The following PCDHGA5 variants were observed in gnomAD, a reference collection of about 807,000 sequenced individuals.
The protein encoded by PCDHGA5 is protocadherin gamma-A5.
Under a neutral mutation model 56.7 loss-of-function variants are expected in PCDHGA5, and 36 were observed. The ratio of observed to expected loss-of-function variants is 0.64; its 90% CI spans 0.49 to 0.84. The LOEUF is 0.84. Among genes scored for constraint, PCDHGA5 ranks in the 40% least tolerant of loss-of-function variants. PCDHGA5 has a pLI of 0.00. For missense variants in PCDHGA5, 1,305 were observed against 1,201.5 expected, an observed-to-expected ratio of 1.09 and a Z score of -1.27; for synonymous variants, 563 against 520.2, an observed-to-expected ratio of 1.08 and a Z score of -1.12.
intron 3 of PCDHGA5, chr5:141,507,000 TGA>T (rs1235660361): frequency 1.3e-5 from 2 of 152,218 alleles, no homozygotes; most frequent in African/African-American, 4.8e-5. Flanking sequence ...ACTCGACAGA[TGA>T]GAGAACCGAG....
chr5:141,455,822 CCCCTTTTCCTGT>C (rs2098832641), intron 1 of PCDHGA5, among the ~76,000 whole-genome samples: 2 of 151,688 alleles, frequency 1.3e-5, no homozygotes, highest in African/African-American at 4.8e-5. Flanking sequence ...TTCCCAAGGA[CCCCTTTTCCTGT>C]CTATCTGCAT....
Position 141,486,799 on chromosome 5 carries a change from C to A in PCDHGA5, c.2422-8008C>A. The A allele has an allele frequency of 6.2e-7, 1 of 1,614,220 alleles. No individual in the cohort carries two copies. Among genetic ancestry groups the A allele is most frequent in the African/African-American group, 1.3e-5 (1 of 75,060 alleles). ...AGGTGCAGGCCCGGGATCGGGGCAA[C>A]CCACCCCTTAGCAGCACTGTAACAG... On this transcript the variant is annotated intron_variant, in intron 1 of 3. Coordinates refer to ENST00000518069, the MANE Select transcript of PCDHGA5 (RefSeq NM_018918.3). This position sits in a 1 kb window ranked among gnomAD's most constrained non-coding sequence, Gnocchi z 5.0.
chr5:141,423,497 AG>A (rs1269176785), intron 1 of PCDHGA5: 1 of 1,613,940 alleles, frequency 6.2e-7, no homozygotes, highest in Non-Finnish European at 8.5e-7. Flanking sequence ...TATTCCCACG[AG>A]GTCTCTCTCA....
chr5:141,404,501 C>T, intron 1 of PCDHGA5: 2 of 1,613,792 alleles, frequency 1.2e-6, no homozygotes, highest in Non-Finnish European at 1.7e-6. Context: ...GCTGTATGCT[C>T]TGTGCTCCTT....
At chr5:141,465,494 G>C (rs2099104306) in intron 1 of PCDHGA5, among the ~76,000 whole-genome samples, 1 of 152,204 alleles carries the variant, frequency 6.6e-6, no homozygotes, top group African/African-American at 2.4e-5. Context: ...ATGAGCGGGA[G>C]CATTGTCGTG....
At chr5:141,507,447 G>A (rs998019159) in intron 3 of PCDHGA5, among the ~76,000 whole-genome samples, 1 of 152,226 alleles carries the variant, frequency 6.6e-6, no homozygotes, top group Non-Finnish European at 1.5e-5. Flanking sequence ...GCTGACGGAA[G>A]GACAGAGAGA....
chr5:141,403,787 T>A (rs1213408515), intron 1 of PCDHGA5: 3 of 1,613,818 alleles, frequency 1.9e-6, no homozygotes, highest in Non-Finnish European at 2.5e-6. Flanking sequence ...AAAAGTGGCA[T>A]ACAAATTCTG....
intron 1 of PCDHGA5, among the ~76,000 whole-genome samples, chr5:141,484,160 T>C (rs1451052819): frequency 2.6e-5 from 4 of 152,210 alleles, no homozygotes; most frequent in African/African-American, 7.2e-5. Flanking sequence ...CACAATGCTG[T>C]TGGTAGCTGA....
intron 1 of PCDHGA5, chr5:141,402,997 G>C: frequency 3.7e-6 from 6 of 1,613,928 alleles, no homozygotes; most frequent in Non-Finnish European, 5.1e-6. Context: ...GATTAGTCCT[G>C]CTATGCTCGC....
At chr5:141,375,326 G>C (rs1771348524) in intron 1 of PCDHGA5, 1 of 1,613,776 alleles carries the variant, frequency 6.2e-7, no homozygotes. Flanking sequence ...CCGGGAAGAG[G>C]TATTCTTGTA....
intron 1 of PCDHGA5, chr5:141,468,497 C>T (rs1033597673): frequency 2.0e-5 from 3 of 152,074 alleles, no homozygotes; most frequent in Non-Finnish European, 4.4e-5. Context: ...GGAAGATTTT[C>T]ATGTGGACAA....
chr5:141,506,280 C>CT (rs1455257972), intron 3 of PCDHGA5, among the ~76,000 whole-genome samples: 1 of 152,024 alleles, frequency 6.6e-6, no homozygotes, highest in Non-Finnish European at 1.5e-5. Flanking sequence ...GAAACCCTGT[C>CT]TCTACTAAAA....
chr5:141,385,298 G>A (rs1409031209), intron 1 of PCDHGA5: 2 of 1,612,982 alleles, frequency 1.2e-6, no homozygotes, highest in Non-Finnish European at 8.5e-7. Context: ...TTTCAGGAAT[G>A]TAAAGAAAAC....
chr5:141,421,965 C>T (rs775450008), intron 1 of PCDHGA5: 3 of 1,610,242 alleles, frequency 1.9e-6, no homozygotes, highest in Non-Finnish European at 2.5e-6. Context: ...TTACACAGTC[C>T]GTATATCGCG....
chr5:141,393,414 G>C lies in PCDHGA5; in HGVS notation c.2421+26663G>C, dbSNP rs199973289. 738 of 1,614,038 alleles carry C rather than the reference G, an allele frequency of 4.6e-4. No individual in the cohort carries two copies. The highest frequency in any genetic ancestry group is 5.2e-4 in the Non-Finnish European group (617 of 1,179,898). Reference sequence around the variant, plus strand: ...AGAGCTGGTGCTGGAGCGCGCCCTGGACAGGGAGGAAGAGGCTGCTCACCA... The same window carrying C: ...AGAGCTGGTGCTGGAGCGCGCCCTGCACAGGGAGGAAGAGGCTGCTCACCA... On this transcript the variant is annotated intron_variant, in intron 1 of 3. Coordinates refer to ENST00000518069, the MANE Select transcript of PCDHGA5 (RefSeq NM_018918.3).
At chr5:141,416,870 A>G (rs1315073474) in intron 1 of PCDHGA5, 4 of 152,154 alleles carry the variant, frequency 2.6e-5, no homozygotes, top group Non-Finnish European at 5.9e-5. Flanking sequence ...GTCAGTCAAC[A>G]TTTGTTGAAT....
intron 1 of PCDHGA5, chr5:141,423,496 G>A (rs1049120602): frequency 1.2e-6 from 2 of 1,613,804 alleles, no homozygotes; most frequent in African/African-American, 1.3e-5. Flanking sequence ...CTATTCCCAC[G>A]AGGTCTCTCT....
At chr5:141,460,569 T>C (rs1234392082) in intron 1 of PCDHGA5, among the ~76,000 whole-genome samples, 2 of 152,100 alleles carry the variant, frequency 1.3e-5, no homozygotes, top group Admixed American at 1.3e-4. Context: ...GCCATGGACA[T>C]ATGTAGGTGT....
rs118080774 is a variant in PCDHGA5, at chr5:141,422,026, G to A, written c.2421+55275G>A. On this transcript the variant is annotated intron_variant, in intron 1 of 3. Coordinates refer to ENST00000518069, the MANE Select transcript of PCDHGA5 (RefSeq NM_018918.3). ...CGGAACTCGGGTGCTGATGGTTAAT[G>A]CAACGGATCCAGACGAGGGAATCAA... 69 of 1,611,394 alleles carry A rather than the reference G, an allele frequency of 4.3e-5. No individual in the cohort carries two copies. The East Asian group carries it at 1.4e-3, about 32-fold the overall frequency.
Sources: gnomAD v4.1 joint callset for allele counts (sites outside exome capture counted in the v4.1 genomes callset) on GRCh38, gnomAD v4.1.1 for gene constraint, Gnocchi (gnomAD v3.1) non-coding constraint, MANE v1.5 for transcripts, NCBI Gene and HGNC (gene_info 2026-07-23, HGNC 2026-07-21) for gene names.